Variants in VRK1 observed in about 807,000 individuals in gnomAD.
VRK1 encodes the protein VRK serine/threonine kinase 1.
Under a neutral mutation model 57.1 loss-of-function variants are expected in VRK1, and 33 were observed. The ratio of observed to expected loss-of-function variants is 0.58; its 90% CI spans 0.44 to 0.77. The LOEUF (loss-of-function observed/expected upper bound fraction) is 0.77, where lower values mean the gene tolerates loss of function less well. Among genes scored for constraint, VRK1 ranks in the 30% least tolerant of loss-of-function variants. The pLI is 0.00. For missense variants in VRK1, 413 were observed against 477.3 expected, an observed-to-expected ratio of 0.87 and a Z score of 1.25; for synonymous variants, 137 against 147.8, an observed-to-expected ratio of 0.93 and a Z score of 0.53.
intron 3 of VRK1, among the ~76,000 whole-genome samples, chr14:96,842,684 G>T (rs900024707): frequency 2.6e-5 from 4 of 152,188 alleles, no homozygotes; most frequent in Non-Finnish European, 4.4e-5. Context: ...TCACACAGTG[G>T]TTCTCAATCC....
At chr14:96,872,135 A>G (rs1482602731) in intron 11 of VRK1, among the ~76,000 whole-genome samples, 1 of 152,074 alleles carries the variant, frequency 6.6e-6, no homozygotes, top group Non-Finnish European at 1.5e-5. Flanking sequence ...TTATTCCTCA[A>G]ATTTGTCTGT....
chr14:96,874,497 G>A (rs1888948415), intron 11 of VRK1, among the ~76,000 whole-genome samples: 1 of 152,094 alleles, frequency 6.6e-6, no homozygotes, highest in Non-Finnish European at 1.5e-5. Flanking sequence ...AAGATGTAAG[G>A]CATTCTCCCC....
At chr14:96,871,074 G>T (rs552268087) in intron 11 of VRK1, among the ~76,000 whole-genome samples, 21 of 152,058 alleles carry the variant, frequency 1.4e-4, no homozygotes, top group African/African-American at 4.6e-4. Context: ...GTATTTTTTG[G>T]CACATTCATA....
intron 1 of VRK1, among the ~76,000 whole-genome samples, chr14:96,813,276 A>T (rs1164499654): frequency 6.6e-6 from 1 of 152,194 alleles, no homozygotes; most frequent in African/African-American, 2.4e-5. Context: ...TCTTTTGCAT[A>T]TAGGCAGAAT....
chr14:96,833,287 A>G (rs945397562), intron 1 of VRK1, among the ~76,000 whole-genome samples, 180 bp from the exon 2 acceptor site: 2 of 152,172 alleles, frequency 1.3e-5, no homozygotes, highest in Non-Finnish European at 2.9e-5. Context: ...TCTTCTCCAA[A>G]GTTAAGAGAT....
intron 1 of VRK1, among the ~76,000 whole-genome samples, chr14:96,818,733 T>C (rs376721543): frequency 4.5e-4 from 68 of 152,276 alleles, no homozygotes; most frequent in African/African-American, 1.5e-3. Flanking sequence ...ACAGATTGGG[T>C]GTTCCTAACA....
chr14:96,878,779 A>G (rs928855395), intron 12 of VRK1, among the ~76,000 whole-genome samples: 2 of 152,164 alleles, frequency 1.3e-5, no homozygotes, highest in African/African-American at 4.8e-5. Flanking sequence ...CAGTTGAGAA[A>G]ATTTGGTTAC....
At chr14:96,852,991 A>G in intron 6 of VRK1, 52 bp downstream of exon 6, 2 of 1,605,948 alleles carry the variant, frequency 1.2e-6, no homozygotes, top group Non-Finnish European at 1.7e-6. Flanking sequence ...GAGTACAGTA[A>G]AGGCTAGTTT....
At chr14:96,828,578 G>C (rs1478620560) in intron 1 of VRK1, among the ~76,000 whole-genome samples, 1 of 152,124 alleles carries the variant, frequency 6.6e-6, no homozygotes, top group Non-Finnish European at 1.5e-5. Flanking sequence ...ATACCACCCT[G>C]AGTGTGCCCG....
chr14:96,799,808 G>A (rs975853578), intron 1 of VRK1, among the ~76,000 whole-genome samples: 1 of 152,112 alleles, frequency 6.6e-6, no homozygotes, highest in Admixed American at 6.5e-5. Flanking sequence ...GTTATTTTTC[G>A]GAGTAAGGAG....
Position 96,813,989 on chromosome 14 carries a change from T to TG in VRK1, c.-6+16542_-6+16543insG, listed in dbSNP as rs1886301575. On this transcript the variant is annotated intron_variant, in intron 1 of 12. Coordinates refer to ENST00000216639, the MANE Select transcript of VRK1 (RefSeq NM_003384.3). ...ATCCTAAGAATTAGAGATAATGTGT[T>TG]TAAGTTACCCAGCATATAGCTTGCC... Among the ~76,000 whole-genome samples the TG allele has an allele frequency of 2.0e-5, 3 of 152,144 alleles. No individual in the cohort carries two copies. The South Asian group carries it at 6.2e-4, about 31-fold the overall frequency.
At chr14:96,862,935 T>C (rs1245506260) in intron 11 of VRK1, among the ~76,000 whole-genome samples, 1 of 152,220 alleles carries the variant, frequency 6.6e-6, no homozygotes, top group African/African-American at 2.4e-5. Context: ...TTAATCAGTT[T>C]AATATATGTT....
chr14:96,867,169 T>C (rs1888618051), intron 11 of VRK1, among the ~76,000 whole-genome samples: 1 of 152,176 alleles, frequency 6.6e-6, no homozygotes. Flanking sequence ...TTGTTATCCA[T>C]GTCCTTTCTC....
intron 1 of VRK1, among the ~76,000 whole-genome samples, chr14:96,816,088 C>G (rs1308233886): frequency 6.6e-6 from 1 of 151,974 alleles, no homozygotes; most frequent in Non-Finnish European, 1.5e-5. Context: ...AGGAAAAGCT[C>G]CAAGACTAGT....
intron 5 of VRK1, among the ~76,000 whole-genome samples, chr14:96,849,117 A>G (rs1887840755): frequency 6.6e-6 from 1 of 152,184 alleles, no homozygotes; most frequent in African/African-American, 2.4e-5. Flanking sequence ...GAACCCATGT[A>G]TAGTAGGTAG....
intron 1 of VRK1, among the ~76,000 whole-genome samples, chr14:96,830,611 A>C (rs1303348611): frequency 2.6e-5 from 4 of 152,052 alleles, no homozygotes; most frequent in Non-Finnish European, 4.4e-5. Context: ...ACCTTTTGGG[A>C]GGCATGTTTT....
intron 12 of VRK1, among the ~76,000 whole-genome samples, chr14:96,880,618 A>G (rs757701106): frequency 4.6e-5 from 7 of 152,230 alleles, no homozygotes; most frequent in Non-Finnish European, 7.3e-5. Flanking sequence ...CCAGTATCAC[A>G]TATGATCCTT....
At chr14:96,878,001 T>G (rs1021833982) in intron 12 of VRK1, among the ~76,000 whole-genome samples, 7 of 152,184 alleles carry the variant, frequency 4.6e-5, no homozygotes, top group Non-Finnish European at 1.0e-4. Context: ...CAATTCAGTT[T>G]TTTTGACCTA....
intron 1 of VRK1, among the ~76,000 whole-genome samples, chr14:96,812,346 C>T (rs1383671777): frequency 6.6e-6 from 1 of 152,128 alleles, no homozygotes; most frequent in Non-Finnish European, 1.5e-5. Context: ...CCCAAAGTGG[C>T]TGTATTGTTT....
Sources: allele counts gnomAD v4.1 joint callset (sites outside exome capture counted in the v4.1 genomes callset), GRCh38; gene constraint gnomAD v4.1.1; transcripts MANE v1.5; gene names NCBI Gene and HGNC (gene_info 2026-07-23, HGNC 2026-07-21).